The following NAP1L4 variants were observed in gnomAD, a reference collection of about 807,000 sequenced individuals.
NAP1L4 encodes nucleosome assembly protein 1-like 4.
A neutral mutation model predicts 58.2 loss-of-function variants in NAP1L4; 15 were observed. That is an observed-to-expected ratio of 0.26 (90% CI 0.17 to 0.40). NAP1L4 has a LOEUF of 0.40. Among genes scored for constraint, NAP1L4 ranks in the 10% least tolerant of loss-of-function variants. The pLI, the probability that NAP1L4 is intolerant of heterozygous loss-of-function variation, is 1.00. For missense variants in NAP1L4, 384 were observed against 451.1 expected, an observed-to-expected ratio of 0.85 and a Z score of 1.35; for synonymous variants, 171 against 155.6, an observed-to-expected ratio of 1.10 and a Z score of -0.74.
intron 1 of NAP1L4, among the ~76,000 whole-genome samples, chr11:2,986,464 T>C (rs1848631850): frequency 6.6e-6 from 1 of 152,114 alleles, no homozygotes; most frequent in African/African-American, 2.4e-5. Context: ...CCCAAAACTT[T>C]TATATATTTA....
In NAP1L4 at chr11:2,949,361, C is replaced by A; in HGVS notation, c.1123-97G>T. ...GAAACGGCCACAATTTCTCATGATA[C>A]AAAAGGGCTGCAAGATACTGAACTC... On this transcript the variant is annotated intron_variant, in intron 14 of 15. Coordinates refer to ENST00000380542, the MANE Select transcript of NAP1L4 (RefSeq NM_005969.4). The surrounding 1 kb of genome is among the most constrained non-coding windows in gnomAD (Gnocchi z 4.0). The A allele has an allele frequency of 1.0e-6, 1 of 999,422 alleles. No homozygotes were observed. The highest frequency in any genetic ancestry group is 1.6e-6 in the Non-Finnish European group (1 of 625,988). The allele number at this position is 999,422 out of a possible 1,614,324, so 61.9% of individuals were successfully genotyped here.
At chr11:2,984,089 T>C (rs1234388583) in intron 1 of NAP1L4, among the ~76,000 whole-genome samples, 2 of 143,956 alleles carry the variant, frequency 1.4e-5, no homozygotes, top group Non-Finnish European at 3.0e-5. Flanking sequence ...AGCCCAGGAG[T>C]TGGAGGCCTG....
chr11:2,962,993 G>A (rs1436312323), intron 8 of NAP1L4, among the ~76,000 whole-genome samples: 8 of 151,232 alleles, frequency 5.3e-5, no homozygotes, highest in African/African-American at 4.9e-5. Flanking sequence ...CCAGCTACTC[G>A]GGAGGCTGAG....
intron 2 of NAP1L4, among the ~76,000 whole-genome samples, chr11:2,978,957 C>T (rs1162035809): frequency 6.7e-6 from 1 of 149,932 alleles, no homozygotes; most frequent in Non-Finnish European, 1.5e-5. Flanking sequence ...CTAACTTCAC[C>T]CCAGGGGTGT....
At chr11:2,968,539 C>G (rs79921917) in intron 7 of NAP1L4, among the ~76,000 whole-genome samples, 2,388 of 152,266 alleles carry the variant, frequency 0.016, 69 homozygotes, top group African/African-American at 0.054. Context: ...TTCTTTCCAT[C>G]TTTTCTCAAG....
chr11:2,974,253 G>A (rs1847822983), intron 4 of NAP1L4, among the ~76,000 whole-genome samples: 1 of 152,110 alleles, frequency 6.6e-6, no homozygotes, highest in Admixed American at 6.5e-5. Context: ...TTAGACAAAG[G>A]ATGTTAAACA....
At chr11:2,987,203 C>T (rs1249323341) in intron 1 of NAP1L4, among the ~76,000 whole-genome samples, 1 of 152,112 alleles carries the variant, frequency 6.6e-6, no homozygotes, top group African/African-American at 2.4e-5. Context: ...TTCTATTGCC[C>T]AGGCCAGTAG....
intron 10 of NAP1L4, among the ~76,000 whole-genome samples, chr11:2,956,410 T>C (rs1425961075): frequency 2.0e-5 from 3 of 152,086 alleles, no homozygotes; most frequent in Non-Finnish European, 4.4e-5. Flanking sequence ...TCCAACCCCC[T>C]GATTTTAGAA....
chr11:2,978,274 G>A lies in NAP1L4; in HGVS notation c.73+10C>T, dbSNP rs764793425. The stretch of plus-strand genomic sequence containing the variant: ...ACTGGATGCAAACTCTCCATGTGCA[G>A]TGGACTGACCTGTGTTACTTGCATT... On this transcript the variant is annotated intron_variant, in intron 3 of 15. Coordinates refer to ENST00000380542, the MANE Select transcript of NAP1L4 (RefSeq NM_005969.4). 1 of 1,613,342 alleles carries A rather than the reference G, an allele frequency of 6.2e-7. No individual in the cohort carries two copies. The highest frequency in any genetic ancestry group is 8.5e-7 in the Non-Finnish European group (1 of 1,179,518).
chr11:2,987,593 A>G (rs746831816), intron 1 of NAP1L4, among the ~76,000 whole-genome samples: 3 of 151,448 alleles, frequency 2.0e-5, no homozygotes, highest in Non-Finnish European at 2.9e-5. Context: ...CGTCTCTACT[A>G]AAAAGATACA....
In NAP1L4 at chr11:2,988,447, G is replaced by A. The variant is rs562916360; in HGVS notation, c.-18+3807C>T. 5.9e-5 allele frequency among the ~76,000 whole-genome samples: 9 copies of A among 152,298 alleles called. No homozygotes were observed. The East Asian group carries it at 1.5e-3, about 26-fold the overall frequency. Reference sequence around the variant, plus strand: ...CGTCTGTCTCCCATAGCAGAAACAAGGACAAAGACTTCTGTTTTATTCTGC... The same window carrying A: ...CGTCTGTCTCCCATAGCAGAAACAAAGACAAAGACTTCTGTTTTATTCTGC... On this transcript the variant is annotated intron_variant, in intron 1 of 15. Transcript: ENST00000380542.
chr11:2,958,203 T>A (rs1264654661), intron 10 of NAP1L4, 196 bp downstream of exon 10: 2 of 702,272 alleles, frequency 2.8e-6, no homozygotes, highest in Non-Finnish European at 5.2e-6. Context: ...CTACTCTTAC[T>A]GTCCTAGCTA....
intron 14 of NAP1L4, among the ~76,000 whole-genome samples, chr11:2,950,263 T>C (rs1348457061): frequency 6.6e-6 from 1 of 152,242 alleles, no homozygotes; most frequent in East Asian, 1.9e-4. Context: ...CATGAGCAGA[T>C]TATTCCCAGA....
Position 2,945,633 on chromosome 11 carries a change from T to A in NAP1L4, c.*46A>T. ...CTACTGCTGCTTGCATTCCGCCGGC[T>A]GGCTGGGTTCCTTCTGTCAATGAAA... On this transcript the variant is annotated 3_prime_UTR_variant, in exon 16 of 16. Coordinates refer to ENST00000380542, the MANE Select transcript of NAP1L4 (RefSeq NM_005969.4). The A allele has an allele frequency of 6.5e-7, 1 of 1,535,576 alleles. No homozygotes were observed. Among genetic ancestry groups the A allele is most frequent in the South Asian group, 1.2e-5 (1 of 84,050 alleles).
rs1246298655 is a variant in NAP1L4 at position 2,955,672 on chromosome 11, C to G, written c.915+72G>C. The G allele has an allele frequency of 6.8e-7, 1 of 1,475,254 alleles. No homozygotes were observed. Among genetic ancestry groups the G allele is most frequent in the Non-Finnish European group, 9.4e-7 (1 of 1,067,718 alleles). The allele number at this position is 1,475,254 out of a possible 1,614,324, so 91.4% of individuals were successfully genotyped here. ...ACAGCCAGGACTGGACTTTTTTTAA[C>G]AAGTAGACAAGTAGACATTCACTCA... On this transcript the variant is annotated intron_variant, in intron 11 of 15. Transcript: ENST00000380542. The surrounding 1 kb of genome is among the most constrained non-coding windows in gnomAD (Gnocchi z 4.2).
chr11:2,964,637 T>C (rs1215713032), intron 8 of NAP1L4, 43 bp downstream of exon 8: 18 of 1,519,328 alleles, frequency 1.2e-5, no homozygotes, highest in Middle Eastern at 1.7e-4. Flanking sequence ...CTTTGTGGAC[T>C]GACCCTGTCT....
rs1336454947 is a variant in NAP1L4 at position 2,971,417 on chromosome 11, G to A, written c.402+31C>T. The A allele has an allele frequency of 6.3e-7, 1 of 1,574,862 alleles. No individual in the cohort carries two copies. The highest frequency in any genetic ancestry group is 2.2e-5 in the East Asian group (1 of 44,696). ...GCTTATTTTTAACAGTATTAAAACA[G>A]AACATGAGTCACATGTTTCTAAAGA... On this transcript the variant is annotated intron_variant, in intron 6 of 15. Coordinates refer to ENST00000380542, the MANE Select transcript of NAP1L4 (RefSeq NM_005969.4). This position sits in a 1 kb window ranked among gnomAD's most constrained non-coding sequence, Gnocchi z 4.2.
At chr11:2,967,926 G>T (rs1847384418) in intron 7 of NAP1L4, among the ~76,000 whole-genome samples, 2 of 152,144 alleles carry the variant, frequency 1.3e-5, no homozygotes, top group Admixed American at 6.5e-5. Flanking sequence ...TCCATGGCCA[G>T]TGACCCCAAT....
intron 8 of NAP1L4, among the ~76,000 whole-genome samples, chr11:2,962,170 C>T (rs4758616): frequency 0.66 from 99,827 of 152,202 alleles, 33,030 homozygotes; most frequent in East Asian, 0.89. Flanking sequence ...CTGAAAGGAA[C>T]CTAAACTAAG....
Sources: allele counts gnomAD v4.1 joint callset (sites outside exome capture counted in the v4.1 genomes callset), GRCh38; gene constraint gnomAD v4.1.1; non-coding constraint Gnocchi (gnomAD v3.1); transcripts MANE v1.5; gene names NCBI Gene and HGNC (gene_info 2026-07-23, HGNC 2026-07-21).